Variants in TRAPPC9 observed in about 807,000 individuals in gnomAD.
The protein encoded by TRAPPC9 is trafficking protein particle complex subunit 9.
TRAPPC9 carries 83 observed loss-of-function variants against 124.0 expected under a neutral mutation model. The ratio of observed to expected loss-of-function variants is 0.67; its 90% confidence interval spans 0.56 to 0.80. TRAPPC9 has a LOEUF of 0.80. Among genes scored for constraint, TRAPPC9 ranks in the 30% least tolerant of loss-of-function variants. The pLI is 0.00. For missense variants in TRAPPC9, 1,302 were observed against 1,508.3 expected, an observed-to-expected ratio of 0.86 and a Z score of 2.27; for synonymous variants, 638 against 617.5, an observed-to-expected ratio of 1.03 and a Z score of -0.49.
At chr8:139,994,567 C>T (rs1378217462) in intron 18 of TRAPPC9, among the ~76,000 whole-genome samples, 1 of 152,124 alleles carries the variant, frequency 6.6e-6, no homozygotes, top group Non-Finnish European at 1.5e-5. Context: ...ATTTGGTTGC[C>T]ACGGCAATAG....
At chr8:140,294,483 T>C (rs2065751559) in intron 11 of TRAPPC9, among the ~76,000 whole-genome samples, 1 of 152,250 alleles carries the variant, frequency 6.6e-6, no homozygotes, top group South Asian at 2.1e-4. Flanking sequence ...ATGATGATGA[T>C]GATAATAAGC....
chr8:140,282,943 C>G (rs6982115), intron 14 of TRAPPC9, among the ~76,000 whole-genome samples: 103,940 of 151,600 alleles, frequency 0.69, 37,093 homozygotes, highest in African/African-American at 0.9. Context: ...CTATTTCTTA[C>G]AGGATAAGAG....
chr8:139,833,769 C>T (rs1167766991), intron 21 of TRAPPC9, among the ~76,000 whole-genome samples: 2 of 152,186 alleles, frequency 1.3e-5, no homozygotes, highest in Non-Finnish European at 2.9e-5. Flanking sequence ...GAGAGGTGTG[C>T]CCGTCATTGG....
Position 140,283,873 on chromosome 8 carries a change from C to T in TRAPPC9, c.2114+16G>A, listed in dbSNP as rs902108618. 1.9e-6 allele frequency: 3 copies of T among 1,613,760 alleles called. No homozygotes were observed. Among genetic ancestry groups the T allele is most frequent in the Non-Finnish European group, 2.5e-6 (3 of 1,179,974 alleles). On this transcript the variant is annotated intron_variant, in intron 14 of 22. Coordinates refer to ENST00000438773, the MANE Select transcript of TRAPPC9 (RefSeq NM_001160372.4). ...GCCTCAGAGCCACTCTGCTCTGTGA[C>T]CCTCGTGCACACTACCTGGGCAGAG... is the stretch of plus-strand genomic sequence containing the variant.
intron 19 of TRAPPC9, among the ~76,000 whole-genome samples, chr8:139,911,933 T>G (rs1172632157): frequency 6.6e-6 from 1 of 152,002 alleles, no homozygotes; most frequent in Non-Finnish European, 1.5e-5. Flanking sequence ...AATAAATCTC[T>G]AGTATTCAGC....
intron 19 of TRAPPC9, among the ~76,000 whole-genome samples, chr8:139,928,246 C>T (rs988275676): frequency 6.6e-6 from 1 of 152,182 alleles, no homozygotes; most frequent in African/African-American, 2.4e-5. Context: ...AATCCCAGCA[C>T]TTTGGGAAGC....
intron 17 of TRAPPC9, among the ~76,000 whole-genome samples, chr8:140,086,022 G>A (rs1314656705): frequency 1.3e-5 from 2 of 151,774 alleles, no homozygotes; most frequent in Admixed American, 6.6e-5. Context: ...ACAACTCTAA[G>A]AAGACTTCTC....
chr8:140,288,974 G>A (rs1488885580), intron 12 of TRAPPC9, among the ~76,000 whole-genome samples: 1 of 152,186 alleles, frequency 6.6e-6, no homozygotes, highest in Non-Finnish European at 1.5e-5. Flanking sequence ...CTAAGTAGAT[G>A]TGCTGATGTT....
At chr8:140,101,908 G>C (rs1431018123) in intron 17 of TRAPPC9, among the ~76,000 whole-genome samples, 1 of 151,684 alleles carries the variant, frequency 6.6e-6, no homozygotes, top group African/African-American at 2.4e-5. Context: ...ATGAGGAAAG[G>C]AATGTCTTCA....
chr8:140,403,966 A>AC (rs1295681850), intron 6 of TRAPPC9, among the ~76,000 whole-genome samples: 2 of 152,140 alleles, frequency 1.3e-5, no homozygotes, highest in African/African-American at 4.8e-5. Flanking sequence ...CATGCCAAAA[A>AC]AAACATATAC....
intron 14 of TRAPPC9, among the ~76,000 whole-genome samples, chr8:140,281,623 G>A (rs746154892): frequency 2.0e-5 from 3 of 152,110 alleles, no homozygotes; most frequent in East Asian, 1.9e-4. Flanking sequence ...ATCTGTCAAC[G>A]TTTTATTCCA....
chr8:139,742,138 C>T lies in TRAPPC9; in HGVS notation c.3056-9936G>A, dbSNP rs368895385. ...TGCACCCCCATTCCCAGCGGCGGTG[C>T]GGGAGAGGCCTGACTGCTCCACGCC... On this transcript the variant is annotated intron_variant, in intron 21 of 22. Transcript: ENST00000438773. The surrounding 1 kb of genome is among the most constrained non-coding windows in gnomAD (Gnocchi z 4.7). 6.6e-6 allele frequency among the ~76,000 whole-genome samples: 1 copy of T among 152,194 alleles called. No individual in the cohort carries two copies. Among genetic ancestry groups the T allele is most frequent in the East Asian group, 1.9e-4 (1 of 5,196 alleles).
At chr8:140,172,573 TG>T (rs1484374036) in intron 17 of TRAPPC9, among the ~76,000 whole-genome samples, 3 of 151,786 alleles carry the variant, frequency 2.0e-5, no homozygotes, top group Admixed American at 2.0e-4. Context: ...GAGTTTACAA[TG>T]GAGGAGACTT....
At chr8:140,443,131 CAAAAAA>C (rs1177286944) in intron 2 of TRAPPC9, among the ~76,000 whole-genome samples, 24 of 43,990 alleles carry the variant, frequency 5.5e-4, no homozygotes, top group Admixed American at 9.4e-4. Flanking sequence ...GACTCCATCT[CAAAAAA>C]AAAAAAAAAA....
chr8:140,032,293 A>G (rs1840544174), intron 17 of TRAPPC9, among the ~76,000 whole-genome samples: 1 of 152,214 alleles, frequency 6.6e-6, no homozygotes, highest in Non-Finnish European at 1.5e-5. Context: ...CGTCCAGACC[A>G]CTGTCCTCTC....
intron 15 of TRAPPC9, among the ~76,000 whole-genome samples, chr8:140,271,949 ATGGTGATGGTGCTTGTGAGGATGG>A (rs1157696317): frequency 1.2e-4 from 18 of 151,446 alleles, no homozygotes; most frequent in Non-Finnish European, 2.5e-4. Flanking sequence ...AGCAGCAGTG[ATGGTGATGGTGCTTGTGAGGATGG>A]CAGTAATGGT....
At chr8:140,047,021 T>C (rs79601266) in intron 17 of TRAPPC9, among the ~76,000 whole-genome samples, 1,965 of 152,346 alleles carry the variant, frequency 0.013, 42 homozygotes, top group African/African-American at 0.044. Context: ...TGTTCCTTTC[T>C]GTGGAAGCTC....
intron 17 of TRAPPC9, among the ~76,000 whole-genome samples, chr8:140,037,717 CCA>C (rs10560087): frequency 0.46 from 68,509 of 148,334 alleles, 17,517 homozygotes; most frequent in Non-Finnish European, 0.59. Context: ...CACACATACA[CCA>C]CACACCCAAT....
In TRAPPC9 at chr8:140,353,282, A is replaced by T. The variant is rs1242218618; in HGVS notation, c.1495+6768T>A. 1.3e-5 allele frequency among the ~76,000 whole-genome samples: 2 copies of T among 152,150 alleles called. No homozygotes were observed. Among genetic ancestry groups the T allele is most frequent in the African/African-American group, 4.8e-5 (2 of 41,424 alleles). On this transcript the variant is annotated intron_variant, in intron 9 of 22. Coordinates refer to ENST00000438773, the MANE Select transcript of TRAPPC9 (RefSeq NM_001160372.4). This position sits in a 1 kb window ranked among gnomAD's most constrained non-coding sequence, Gnocchi z 4.2. The stretch of plus-strand genomic sequence containing the variant: ...GTGAAATAAGGCACATCCTTAACAC[A>T]GGTTCATTCACTGGCCCCCTCCCAT...
Sources: allele counts gnomAD v4.1 joint callset (sites outside exome capture counted in the v4.1 genomes callset), GRCh38; gene constraint gnomAD v4.1.1; non-coding constraint Gnocchi (gnomAD v3.1); transcripts MANE v1.5; gene names NCBI Gene and HGNC (gene_info 2026-07-23, HGNC 2026-07-21).